AGAP1: variants seen among roughly 807,000 people sequenced by gnomAD.
AGAP1 encodes ArfGAP with GTPase domain, ankyrin repeat and PH domain 1.
A neutral mutation model predicts 105.3 loss-of-function variants in AGAP1; 29 were observed. The observed-to-expected ratio is 0.28, with a 90% CI of 0.21 to 0.38. The LOEUF is 0.38. Among genes scored for constraint, AGAP1 ranks in the 10% least tolerant of loss-of-function variants. The probability of loss-of-function intolerance (pLI) is 1.00; values close to 1 mark genes in which losing one functional copy is unlikely to be tolerated. For synonymous variants in AGAP1, 509 were observed against 485.9 expected (o/e 1.05, Z -0.63); for missense variants, 998 against 1,165.1 (o/e 0.86, Z 2.09).
chr2:235,852,836 G>T, intron 9 of AGAP1: 2 of 1,480,652 alleles, frequency 1.4e-6, no homozygotes, highest in Non-Finnish European at 1.8e-6. Flanking sequence ...CCAGCTGTCC[G>T]GGGCCATGAT....
chr2:235,999,837 A>G (rs548741996), intron 13 of AGAP1, among the ~76,000 whole-genome samples: 1 of 151,960 alleles, frequency 6.6e-6, no homozygotes, highest in Non-Finnish European at 1.5e-5. Context: ...CAGGTCTGAG[A>G]TGTGTCAAGC....
intron 1 of AGAP1, among the ~76,000 whole-genome samples, chr2:235,656,552 C>T: frequency 6.6e-6 from 1 of 152,176 alleles, no homozygotes. Flanking sequence ...CCTGCATAAC[C>T]ATTTTTCCCA....
chr2:235,623,721 T>C lies in AGAP1; in HGVS notation c.164-85458T>C, dbSNP rs1946555987. On this transcript the variant is annotated intron_variant, in intron 1 of 17. Coordinates refer to ENST00000304032, the MANE Select transcript of AGAP1 (RefSeq NM_001037131.3). The surrounding 1 kb of genome is among the most constrained non-coding windows in gnomAD (Gnocchi z 4.5). ...CCTCATTTTGGACATTTTCTCAGAA[T>C]GAATGATACATCTCTGCTTTCAGCC... 6.6e-6 allele frequency among the ~76,000 whole-genome samples: 1 copy of C among 152,228 alleles called. No individual in the cohort carries two copies. Among genetic ancestry groups the C allele is most frequent in the African/African-American group, 2.4e-5 (1 of 41,452 alleles).
At chr2:235,743,393 C>T (rs1301040316) in intron 4 of AGAP1, among the ~76,000 whole-genome samples, 1 of 152,022 alleles carries the variant, frequency 6.6e-6, no homozygotes, top group Non-Finnish European at 1.5e-5. Context: ...TCTTTATGGG[C>T]GCAGTGGGAG....
At chr2:236,032,364 A>C in intron 13 of AGAP1, among the ~76,000 whole-genome samples, 1 of 152,164 alleles carries the variant, frequency 6.6e-6, no homozygotes, top group East Asian at 1.9e-4. Context: ...ACCCTGATAA[A>C]AGCCTTGCTC....
intron 1 of AGAP1, among the ~76,000 whole-genome samples, chr2:235,500,280 C>T (rs13424496): frequency 0.036 from 5,475 of 152,058 alleles, 349 homozygotes; most frequent in African/African-American, 0.12. Flanking sequence ...GGCGTCACAC[C>T]GAGAGCAAAC....
At chr2:236,060,953 C>T (rs1163738224) in intron 16 of AGAP1, among the ~76,000 whole-genome samples, 1 of 151,780 alleles carries the variant, frequency 6.6e-6, no homozygotes, top group Non-Finnish European at 1.5e-5. Context: ...GTCCCAGCTA[C>T]CTGGGAGGCT....
At chr2:235,791,004 C>G (rs569647728) in intron 6 of AGAP1, among the ~76,000 whole-genome samples, 1 of 152,194 alleles carries the variant, frequency 6.6e-6, no homozygotes, top group Non-Finnish European at 1.5e-5. Flanking sequence ...CCCAAGAGAC[C>G]ATCATGGATG....
At chr2:236,028,574 C>A (rs1215289974) in intron 13 of AGAP1, among the ~76,000 whole-genome samples, 1 of 152,178 alleles carries the variant, frequency 6.6e-6, no homozygotes, top group African/African-American at 2.4e-5. Context: ...CATCTTATAT[C>A]TTGCCCATTT....
In AGAP1 at chr2:235,889,629, G is replaced by A. The variant is rs2050435983; in HGVS notation, c.1155+6180G>A. On this transcript the variant is annotated intron_variant, in intron 10 of 17. Coordinates refer to ENST00000304032, the MANE Select transcript of AGAP1 (RefSeq NM_001037131.3). The surrounding 1 kb of genome is among the most constrained non-coding windows in gnomAD (Gnocchi z 4.6). ...GAGACCAGTAATCCCTAGTTCCTTT[G>A]ACTTGCAGCTCAGCCTCACTCTGTC... 6.8e-6 allele frequency among the ~76,000 whole-genome samples: 1 copy of A among 147,312 alleles called. No individual in the cohort carries two copies. The highest frequency in any genetic ancestry group is 2.5e-5 in the African/African-American group (1 of 39,770).
chr2:235,675,186 GTTGGTT>G (rs1361497996), intron 1 of AGAP1, among the ~76,000 whole-genome samples: 9 of 127,172 alleles, frequency 7.1e-5, no homozygotes, highest in Admixed American at 9.9e-5. Flanking sequence ...TGGTTGGTTG[GTTGGTT>G]TTTTTTTTTT....
rs1950231386 is a variant in AGAP1, at chr2:235,701,047, GTATATATTATATA to G, written c.164-8130_164-8118del. ...TATATATGCTATAATATAGTTATAT[GTATATATTATATA>G]TGCTATAATATAGTTATATGTATAT... On this transcript the variant is annotated intron_variant, in intron 1 of 17. Transcript: ENST00000304032. The surrounding 1 kb of genome is among the most constrained non-coding windows in gnomAD (Gnocchi z 4.1). Among the ~76,000 whole-genome samples, 1 of 139,752 alleles carries G rather than the reference GTATATATTATATA, an allele frequency of 7.2e-6. No individual in the cohort carries two copies. The highest frequency in any genetic ancestry group is 1.5e-5 in the Non-Finnish European group (1 of 65,378). The allele number at this position is 139,752 out of a possible 152,430, so 91.7% of individuals were successfully genotyped here.
At position 235,965,801 on chromosome 2, in the gene AGAP1, A is replaced by G. The variant is rs1427390858; in HGVS notation, c.1484-2661A>G. ...AATAATGGGGTTTAGGAAAGTGGGC[A>G]TGAAAGATCTTGGGACCTCTGAGGA... is the stretch of plus-strand genomic sequence containing the variant. On this transcript the variant is annotated intron_variant, in intron 12 of 17. Coordinates refer to ENST00000304032, the MANE Select transcript of AGAP1 (RefSeq NM_001037131.3). This position sits in a 1 kb window ranked among gnomAD's most constrained non-coding sequence, Gnocchi z 5.8. Among the ~76,000 whole-genome samples the G allele has an allele frequency of 1.3e-5, 2 of 152,322 alleles. No homozygotes were observed. The highest frequency in any genetic ancestry group is 3.4e-3 in the Middle Eastern group (1 of 294).
chr2:235,995,022 G>A (rs1308261711), intron 13 of AGAP1, among the ~76,000 whole-genome samples: 3 of 72,520 alleles, frequency 4.1e-5, no homozygotes, highest in Admixed American at 1.8e-4. Flanking sequence ...AGCCGAGATC[G>A]CGCCTTGCAC....
At chr2:235,841,693 A>G (rs575756789) in intron 9 of AGAP1, among the ~76,000 whole-genome samples, 29 of 152,328 alleles carry the variant, frequency 1.9e-4, no homozygotes, top group South Asian at 6.2e-4. Context: ...GTATTTGTCA[A>G]ACACTTCGTA....
In AGAP1 at chr2:235,799,507, G is replaced by A; in HGVS notation, c.942G>A (p.Arg314=). 2 of 1,614,134 alleles carry A rather than the reference G, an allele frequency of 1.2e-6. No individual in the cohort carries two copies. The highest frequency in any genetic ancestry group is 1.7e-5 in the Admixed American group (1 of 60,024). Residue 314 remains arginine, a synonymous_variant, in exon 8 of 18, where the codon CGG becomes CGA. Transcript: ENST00000304032. The surrounding 1 kb of genome is among the most constrained non-coding windows in gnomAD (Gnocchi z 5.0). ...PTPVRKQSKR[R]SNLFTSRKGS... is the part of the protein sequence containing the mutation. The stretch of plus-strand genomic sequence containing the variant: ...CCGTTCGCAAGCAGTCTAAGCGCCG[G>A]TCCAACCTGTTCACCGTGAGTGTCA...
At chr2:235,760,479 A>G (rs1188870590) in intron 6 of AGAP1, among the ~76,000 whole-genome samples, 1 of 152,276 alleles carries the variant, frequency 6.6e-6, no homozygotes, top group Non-Finnish European at 1.5e-5. Flanking sequence ...AATGTGCTTG[A>G]GGTGATTATC....
At chr2:236,007,575 G>A (rs1308065270) in intron 13 of AGAP1, among the ~76,000 whole-genome samples, 1 of 152,148 alleles carries the variant, frequency 6.6e-6, no homozygotes, top group Non-Finnish European at 1.5e-5. Context: ...TTTGAAATAT[G>A]ATAACACAAT....
At chr2:235,713,404 A>T (rs1321681794) in intron 2 of AGAP1, among the ~76,000 whole-genome samples, 1 of 152,238 alleles carries the variant, frequency 6.6e-6, no homozygotes, top group Non-Finnish European at 1.5e-5. Flanking sequence ...CCTGGCTCTG[A>T]GCCTTAGTAA....
Sources: gnomAD v4.1 joint callset for allele counts (sites outside exome capture counted in the v4.1 genomes callset) on GRCh38, gnomAD v4.1.1 for gene constraint, Gnocchi (gnomAD v3.1) non-coding constraint, MANE v1.5 for transcripts, NCBI Gene and HGNC (gene_info 2026-07-23, HGNC 2026-07-21) for gene names.